The following ZFHX3 variants were observed in gnomAD, a reference collection of about 807,000 sequenced individuals.
ZFHX3 encodes zinc finger homeobox protein 3.
ZFHX3 carries 42 observed loss-of-function variants against 279.1 expected under a neutral mutation model. That is an observed-to-expected ratio of 0.15 (90% CI 0.12 to 0.19). The LOEUF is 0.19. Among genes scored for constraint, ZFHX3 ranks in the 10% least tolerant of loss-of-function variants. The pLI is 1.00. For synonymous variants in ZFHX3, 2,293 were observed against 1,957.8 expected, an observed-to-expected ratio of 1.17 and a Z score of -4.52; for missense variants, 4,981 against 4,754.0, an observed-to-expected ratio of 1.05 and a Z score of -1.40.
chr16:73,755,142 TCCCG>T (rs1393142343), intron 1 of ZFHX3, among the ~76,000 whole-genome samples: 1 of 152,178 alleles, frequency 6.6e-6, no homozygotes, highest in Non-Finnish European at 1.5e-5. Context: ...TGACTTTAGA[TCCCG>T]CTTGCTTAAC....
chr16:72,795,726 C>T lies in ZFHX3; in HGVS notation c.6956G>A (p.Arg2319Lys). ...DGERRELTND[R>K]YIRTSNLNYQ... ...GTTCAAGTTGCTTGTTCGAATGTAT[C>T]TATCATTTGTAAGCTCACGCCGCTC... is the stretch of plus-strand genomic sequence containing the variant. The change falls in exon 9 of 10, where the codon AGA (arginine) becomes AAA (lysine). Residue 2319 changes from arginine (R) to lysine (K), a missense_variant. Transcript: ENST00000268489. The T allele has an allele frequency of 6.2e-7, 1 of 1,614,140 alleles. No homozygotes were observed. Among genetic ancestry groups the T allele is most frequent in the Non-Finnish European group, 8.5e-7 (1 of 1,180,036 alleles).
intron 1 of ZFHX3, among the ~76,000 whole-genome samples, chr16:73,814,565 C>G (rs1285220454): frequency 1.3e-5 from 2 of 150,812 alleles, no homozygotes; most frequent in Non-Finnish European, 2.9e-5. Context: ...ACATAGTTCA[C>G]AACTTTTTTT....
chr16:73,226,474 G>C (rs2012595164), intron 5 of ZFHX3, among the ~76,000 whole-genome samples: 1 of 152,248 alleles, frequency 6.6e-6, no homozygotes, highest in African/African-American at 2.4e-5. Flanking sequence ...ACGGGCTCAT[G>C]AGAGGTTTCC....
At chr16:73,563,244 GTT>G (rs111697941) in intron 2 of ZFHX3, among the ~76,000 whole-genome samples, 1 of 129,524 alleles carries the variant, frequency 7.7e-6, no homozygotes. Context: ...TTTTGTTTTT[GTT>G]TTTTTTTTTG....
At chr16:73,414,483 T>C (rs1265469757) in intron 3 of ZFHX3, among the ~76,000 whole-genome samples, 2 of 152,242 alleles carry the variant, frequency 1.3e-5, no homozygotes, top group Non-Finnish European at 2.9e-5. Context: ...ACCCTCACTT[T>C]CCCTGTGATT....
At chr16:72,803,326 T>C (rs937150265) in intron 7 of ZFHX3, among the ~76,000 whole-genome samples, 2 of 152,074 alleles carry the variant, frequency 1.3e-5, no homozygotes, top group African/African-American at 4.8e-5. Flanking sequence ...AGTGAGACTC[T>C]GTCTCCAATC....
At chr16:73,607,639 A>G (rs2052204431) in intron 2 of ZFHX3, among the ~76,000 whole-genome samples, 1 of 152,222 alleles carries the variant, frequency 6.6e-6, no homozygotes, top group Non-Finnish European at 1.5e-5. Context: ...AAATTTCTAT[A>G]TCAACACAAG....
intron 2 of ZFHX3, among the ~76,000 whole-genome samples, chr16:73,519,434 C>T (rs1246396962): frequency 6.6e-6 from 1 of 151,894 alleles, no homozygotes; most frequent in East Asian, 1.9e-4. Flanking sequence ...AAAAATTCTT[C>T]CTTATTAACT....
chr16:73,134,171 G>T (rs958800133), intron 6 of ZFHX3, among the ~76,000 whole-genome samples: 2 of 151,962 alleles, frequency 1.3e-5, no homozygotes, highest in African/African-American at 4.8e-5. Flanking sequence ...GTAGAGCTAC[G>T]ATTTGAACCC....
At chr16:72,890,122 C>T (rs373971081) in intron 3 of ZFHX3, among the ~76,000 whole-genome samples, 160 bp from the exon 4 acceptor site, 2 of 152,216 alleles carry the variant, frequency 1.3e-5, no homozygotes, top group Non-Finnish European at 1.5e-5. Flanking sequence ...GCTGTGTCCC[C>T]GCCCAAAATC....
At chr16:73,807,778 C>T (rs763250578) in intron 1 of ZFHX3, among the ~76,000 whole-genome samples, 1 of 151,716 alleles carries the variant, frequency 6.6e-6, no homozygotes, top group Middle Eastern at 3.2e-3. Flanking sequence ...GCCAAAGTAT[C>T]AGTTTTCTAA....
chr16:73,665,518 C>A (rs186981353), intron 2 of ZFHX3, among the ~76,000 whole-genome samples: 5 of 151,702 alleles, frequency 3.3e-5, no homozygotes, highest in South Asian at 2.1e-4. Context: ...CTGGCCTGAC[C>A]ATTGTACATT....
At chr16:73,555,248 G>A (rs929460664) in intron 2 of ZFHX3, among the ~76,000 whole-genome samples, 50 of 151,908 alleles carry the variant, frequency 3.3e-4, no homozygotes, top group Non-Finnish European at 6.9e-4. Flanking sequence ...TGTGCCTCCC[G>A]GGTTCAAGCG....
chr16:73,747,855 G>A (rs923252183), intron 1 of ZFHX3, among the ~76,000 whole-genome samples: 30 of 152,120 alleles, frequency 2.0e-4, no homozygotes, highest in South Asian at 1.7e-3. Flanking sequence ...TCAATACCAC[G>A]ACCAGTTGCA....
At chr16:72,945,633 G>A (rs1383385327) in intron 3 of ZFHX3, among the ~76,000 whole-genome samples, 1 of 152,142 alleles carries the variant, frequency 6.6e-6, no homozygotes, top group Non-Finnish European at 1.5e-5. Flanking sequence ...CATCAAGGTA[G>A]GGAGAGAAGG....
rs550566686 is a variant in ZFHX3 at position 72,890,799 on chromosome 16, G to A, written c.3217-837C>T. Among the ~76,000 whole-genome samples the A allele has an allele frequency of 3.5e-4, 53 of 152,342 alleles. 1 individual carries two copies. The South Asian group carries it at 4.1e-3, about 12-fold the overall frequency. On this transcript the variant is annotated intron_variant, in intron 3 of 9. Coordinates refer to ENST00000268489, the MANE Select transcript of ZFHX3 (RefSeq NM_006885.4). ...CTGTTTTTGTAAATAAAGTTTTATTGGAACACAGCCACGTCCATTGATTTA... is the reference window on the plus strand; with the variant it reads ...CTGTTTTTGTAAATAAAGTTTTATTAGAACACAGCCACGTCCATTGATTTA...
intron 1 of ZFHX3, among the ~76,000 whole-genome samples, chr16:73,704,607 C>G (rs2142220057): frequency 6.6e-6 from 1 of 152,224 alleles, no homozygotes; most frequent in Middle Eastern, 3.4e-3. Flanking sequence ...GAAAGAGGAA[C>G]CATTCTTATT....
intron 1 of ZFHX3, among the ~76,000 whole-genome samples, chr16:73,025,888 T>C (rs1007441885): frequency 1.3e-5 from 2 of 152,166 alleles, no homozygotes; most frequent in South Asian, 2.1e-4. Flanking sequence ...TCCGGGAAGA[T>C]GCATGCCTTC....
At chr16:72,976,887 G>GC (rs141415624) in intron 1 of ZFHX3, among the ~76,000 whole-genome samples, 4,934 of 152,270 alleles carry the variant, frequency 0.032, 155 homozygotes, top group East Asian at 0.098. Context: ...CTCCGCCAGT[G>GC]CCCCGGGAGT....
Sources: gnomAD v4.1 joint callset for allele counts (sites outside exome capture counted in the v4.1 genomes callset) on GRCh38, gnomAD v4.1.1 for gene constraint, MANE v1.5 for transcripts, NCBI Gene and HGNC (gene_info 2026-07-23, HGNC 2026-07-21) for gene names.